Variants in CORO2B observed in about 807,000 individuals in gnomAD.
CORO2B encodes the protein coronin 2B.
A neutral mutation model predicts 58.8 loss-of-function variants in CORO2B; 26 were observed. The ratio of observed to expected loss-of-function variants is 0.44; its 90% CI spans 0.32 to 0.61. The LOEUF is 0.61. CORO2B is among the 20% of genes least tolerant of loss of function. The probability of loss-of-function intolerance (pLI) is 0.04; values close to 1 mark genes in which losing one functional copy is unlikely to be tolerated. For missense variants in CORO2B, 460 were observed against 645.1 expected (o/e 0.71, Z 3.11); for synonymous variants, 242 against 253.8 (o/e 0.95, Z 0.44).
At chr15:68,655,302 T>A (rs1205815398) in intron 2 of CORO2B, among the ~76,000 whole-genome samples, 1 of 152,192 alleles carries the variant, frequency 6.6e-6, no homozygotes, top group African/African-American at 2.4e-5. Flanking sequence ...CTGGCTCAGA[T>A]GGAGGCACAG....
chr15:68,607,520 G>A (rs1207133891), intron 1 of CORO2B, among the ~76,000 whole-genome samples: 1 of 151,962 alleles, frequency 6.6e-6, no homozygotes, highest in East Asian at 1.9e-4. Context: ...AGTCTTTTTT[G>A]TAAAGAGCTT....
chr15:68,539,174 C>G, the CORO2B span, among the ~76,000 whole-genome samples: 2,732 of 152,228 alleles, frequency 0.018, 51 homozygotes, highest in African/African-American at 0.047. Context: ...GCTGCAGGAG[C>G]CTGCTGAGAG....
intron 2 of CORO2B, among the ~76,000 whole-genome samples, chr15:68,685,027 A>T (rs1902915571): frequency 6.6e-6 from 1 of 152,202 alleles, no homozygotes; most frequent in South Asian, 2.1e-4. Flanking sequence ...GGGGTGGCCC[A>T]TGAAAAAACA....
At chr15:68,597,635 A>T (rs940722261) in intron 1 of CORO2B, among the ~76,000 whole-genome samples, 1 of 151,304 alleles carries the variant, frequency 6.6e-6, no homozygotes, top group Non-Finnish European at 1.5e-5. Context: ...ATCAAAAAAA[A>T]AAAAATAAAT....
chr15:68,673,260 G>T (rs1244014615), intron 2 of CORO2B, among the ~76,000 whole-genome samples: 3 of 152,244 alleles, frequency 2.0e-5, no homozygotes, highest in African/African-American at 7.2e-5. Flanking sequence ...AGGAGGTCGG[G>T]CACAATGGCT....
intron 1 of CORO2B, among the ~76,000 whole-genome samples, chr15:68,640,795 C>T (rs1181179514): frequency 6.6e-6 from 1 of 152,170 alleles, no homozygotes; most frequent in Non-Finnish European, 1.5e-5. Flanking sequence ...ATGATTTTTG[C>T]AAGTTCTTTT....
chr15:68,566,284 A>G, the CORO2B span, among the ~76,000 whole-genome samples: 740 of 152,184 alleles, frequency 4.9e-3, 2 homozygotes, highest in Middle Eastern at 0.027. Context: ...CATTATCCCC[A>G]TTTGATAGGA....
chr15:68,525,675 T>A, the CORO2B span, among the ~76,000 whole-genome samples: 17 of 152,212 alleles, frequency 1.1e-4, no homozygotes, highest in African/African-American at 4.1e-4. Context: ...GTCAAAATTA[T>A]CAACTTTGTT....
chr15:68,568,217 A>AC, the CORO2B span, among the ~76,000 whole-genome samples: 1 of 152,098 alleles, frequency 6.6e-6, no homozygotes, highest in African/African-American at 2.4e-5. Context: ...CAGCGGTATG[A>AC]CCCAGGACAA....
chr15:68,688,031 G>A lies in CORO2B; in HGVS notation c.217-7109G>A, dbSNP rs117507157. 4.4e-4 allele frequency among the ~76,000 whole-genome samples: 67 copies of A among 152,340 alleles called. 3 individuals carry two copies. The East Asian group carries it at 6.0e-3, about 14-fold the overall frequency. On this transcript the variant is annotated intron_variant, in intron 2 of 11. Transcript: ENST00000261861. ...CCTCCAGACCATCCATTGGTAACAA[G>A]GGTGTAGAGAAACCTGTATGAACAA...
At chr15:68,627,987 G>A (rs982821080) in intron 1 of CORO2B, among the ~76,000 whole-genome samples, 1 of 152,002 alleles carries the variant, frequency 6.6e-6, no homozygotes, top group Non-Finnish European at 1.5e-5. Context: ...CCCCAAACTG[G>A]AAACACAGCC....
At chr15:68,519,867 T>C in the CORO2B span, among the ~76,000 whole-genome samples, 1 of 152,242 alleles carries the variant, frequency 6.6e-6, no homozygotes, top group Non-Finnish European at 1.5e-5. Flanking sequence ...GAGATAAATA[T>C]TAGATAAATT....
chr15:68,698,007 C>A (rs1457770432), intron 3 of CORO2B, among the ~76,000 whole-genome samples: 1 of 152,140 alleles, frequency 6.6e-6, no homozygotes, highest in Non-Finnish European at 1.5e-5. Context: ...GTGTCACCAG[C>A]CAGCAGGTAG....
At chr15:68,700,196 C>T (rs1022505255) in intron 3 of CORO2B, among the ~76,000 whole-genome samples, 3 of 152,176 alleles carry the variant, frequency 2.0e-5, no homozygotes, top group Non-Finnish European at 2.9e-5. Context: ...GACATCCAGA[C>T]CCAGGCTTGG....
chr15:68,677,672 G>A (rs1409795791), intron 2 of CORO2B, among the ~76,000 whole-genome samples: 1 of 152,202 alleles, frequency 6.6e-6, no homozygotes, highest in African/African-American at 2.4e-5. Flanking sequence ...GTGACTTCGT[G>A]TTGGGAAATT....
chr15:68,630,412 G>T (rs941998206), intron 1 of CORO2B, among the ~76,000 whole-genome samples: 1 of 136,262 alleles, frequency 7.3e-6, no homozygotes, highest in South Asian at 2.3e-4. Flanking sequence ...AGAAAACCTC[G>T]AAATGAAATG....
At chr15:68,628,235 A>G (rs1401297790) in intron 1 of CORO2B, among the ~76,000 whole-genome samples, 1 of 152,248 alleles carries the variant, frequency 6.6e-6, no homozygotes, top group Non-Finnish European at 1.5e-5. Flanking sequence ...CAGTGGTCAC[A>G]GAGAAACCCC....
intron 2 of CORO2B, among the ~76,000 whole-genome samples, chr15:68,685,775 A>AAG (rs1902950856): frequency 9.7e-6 from 1 of 103,606 alleles, no homozygotes; most frequent in Non-Finnish European, 2.2e-5. Flanking sequence ...GATTGATTAA[A>AAG]CACTTTATTT....
chr15:68,632,774 T>C (rs1900883979), intron 1 of CORO2B, among the ~76,000 whole-genome samples: 1 of 152,110 alleles, frequency 6.6e-6, no homozygotes. Context: ...GTATTTTTAG[T>C]AGAGATGGGG....
Sources: allele counts gnomAD v4.1 joint callset (sites outside exome capture counted in the v4.1 genomes callset), GRCh38; gene constraint gnomAD v4.1.1; transcripts MANE v1.5; gene names NCBI Gene and HGNC (gene_info 2026-07-23, HGNC 2026-07-21).